Variants in PACRG observed in about 807,000 individuals in gnomAD.
The protein encoded by PACRG is parkin coregulated gene protein.
Under a neutral mutation model 29.7 loss-of-function variants are expected in PACRG, and 29 were observed. The observed-to-expected ratio is 0.98, with a 90% CI of 0.73 to 1.33. The LOEUF (loss-of-function observed/expected upper bound fraction) is 1.33. Among genes scored for constraint, PACRG ranks in the 40% most tolerant of loss-of-function variants. The probability of loss-of-function intolerance (pLI) is 0.00; values close to 1 mark genes in which losing one functional copy is unlikely to be tolerated. For synonymous variants in PACRG, 116 were observed against 118.7 expected (o/e 0.98, Z 0.15); for missense variants, 279 against 316.2 (o/e 0.88, Z 0.89).
intron 2 of PACRG, among the ~76,000 whole-genome samples, chr6:162,833,174 C>A (rs889256311): frequency 2.6e-5 from 4 of 152,054 alleles, no homozygotes; most frequent in Non-Finnish European, 5.9e-5. Flanking sequence ...ATTATTACAG[C>A]CTTCCTATTA....
intron 2 of PACRG, among the ~76,000 whole-genome samples, chr6:162,845,891 T>C (rs1414015976): frequency 6.6e-6 from 1 of 152,224 alleles, no homozygotes; most frequent in African/African-American, 2.4e-5. Flanking sequence ...TATCACCTTA[T>C]GATCATTTCC....
chr6:163,075,136 T>TA (rs1812429411), intron 3 of PACRG, among the ~76,000 whole-genome samples: 3 of 152,140 alleles, frequency 2.0e-5, no homozygotes. Flanking sequence ...TCCCTAAAAC[T>TA]TTGAATTGTT....
chr6:163,221,946 T>A (rs1781596473), intron 4 of PACRG, among the ~76,000 whole-genome samples: 1 of 152,164 alleles, frequency 6.6e-6, no homozygotes, highest in African/African-American at 2.4e-5. Context: ...ATCTATAAAA[T>A]CTGCTAGAAG....
Position 163,055,662 on chromosome 6 carries a change from AT to A in PACRG, c.292-6482del, listed in dbSNP as rs893552422. Among the ~76,000 whole-genome samples the A allele has an allele frequency of 4.6e-5, 7 of 151,984 alleles. No individual in the cohort carries two copies. Among genetic ancestry groups the A allele is most frequent in the South Asian group, 2.1e-4 (1 of 4,822 alleles). ...GTTGTTATTTGTTTTTTATTGTTTT[AT>A]TTTTTCTTTGGCATTTTTATCATTG... On this transcript the variant is annotated intron_variant, in intron 2 of 4. Transcript: ENST00000366888. The surrounding 1 kb of genome is among the most constrained non-coding windows in gnomAD (Gnocchi z 4.0).
intron 4 of PACRG, among the ~76,000 whole-genome samples, chr6:163,290,272 GCGCGCGCACACACACACA>G (rs1469448275): frequency 5.5e-4 from 55 of 100,656 alleles, no homozygotes; most frequent in African/African-American, 2.1e-3. Context: ...ATGCACGCGC[GCGCGCGCACACACACACA>G]CACACACACA....
intron 1 of PACRG, among the ~76,000 whole-genome samples, chr6:162,769,561 A>G (rs1278887923): frequency 6.6e-6 from 1 of 151,996 alleles, no homozygotes; most frequent in African/African-American, 2.4e-5. Context: ...TTCTACTCCA[A>G]AGTATATGCC....
At chr6:163,167,989 A>AT (rs1778894180) in intron 4 of PACRG, among the ~76,000 whole-genome samples, 1 of 152,116 alleles carries the variant, frequency 6.6e-6, no homozygotes, top group Admixed American at 6.6e-5. Context: ...TGAACATAGT[A>AT]TTTTTTGCTG....
At chr6:163,135,448 A>AGG (rs1173528732) in intron 4 of PACRG, among the ~76,000 whole-genome samples, 5 of 152,214 alleles carry the variant, frequency 3.3e-5, no homozygotes, top group Admixed American at 1.3e-4. Flanking sequence ...TGGTGTCCCA[A>AGG]AGTGCTGGGA....
intron 3 of PACRG, among the ~76,000 whole-genome samples, chr6:163,077,545 T>C (rs1315859033): frequency 2.6e-5 from 4 of 152,098 alleles, no homozygotes; most frequent in African/African-American, 9.7e-5. Context: ...AATACAAAAA[T>C]TACTTTGGGA....
chr6:162,810,856 C>T (rs1349354590), intron 1 of PACRG, among the ~76,000 whole-genome samples: 1 of 152,084 alleles, frequency 6.6e-6, no homozygotes, highest in Admixed American at 6.5e-5. Flanking sequence ...GAAAAAGAAG[C>T]CAGGCCAAAG....
chr6:163,129,627 A>T (rs1412554972), intron 4 of PACRG, among the ~76,000 whole-genome samples: 1 of 152,194 alleles, frequency 6.6e-6, no homozygotes, highest in Non-Finnish European at 1.5e-5. Flanking sequence ...GTAAGCAAAC[A>T]CTGTCCTCCT....
intron 4 of PACRG, among the ~76,000 whole-genome samples, chr6:163,275,603 T>G (rs1257201035): frequency 6.6e-6 from 1 of 152,224 alleles, no homozygotes; most frequent in Non-Finnish European, 1.5e-5. Context: ...GTATAGATAT[T>G]TCTCCACTGT....
At position 162,777,622 on chromosome 6, in the gene PACRG, TC is replaced by T. The variant is rs1405308675; in HGVS notation, c.157-36523del. 6.6e-6 allele frequency among the ~76,000 whole-genome samples: 1 copy of T among 152,154 alleles called. No individual in the cohort carries two copies. Among genetic ancestry groups the T allele is most frequent in the Admixed American group, 6.5e-5 (1 of 15,274 alleles). Reference sequence around the variant, plus strand: ...TCTAGGTAAAATTGCCAAAGTAGACTCCTTTGAGTTTTGGGATTTTTTTAAT... The same window carrying T: ...TCTAGGTAAAATTGCCAAAGTAGACTCTTTGAGTTTTGGGATTTTTTTAAT... On this transcript the variant is annotated intron_variant, in intron 1 of 4. Transcript: ENST00000366888. This position sits in a 1 kb window ranked among gnomAD's most constrained non-coding sequence, Gnocchi z 4.0.
At chr6:163,188,182 G>A (rs929829666) in intron 4 of PACRG, among the ~76,000 whole-genome samples, 1 of 152,160 alleles carries the variant, frequency 6.6e-6, no homozygotes, top group Non-Finnish European at 1.5e-5. Flanking sequence ...ACATCGGGGA[G>A]GCAGGAGCCC....
chr6:162,831,019 C>A (rs749846294), intron 2 of PACRG, among the ~76,000 whole-genome samples: 5 of 152,156 alleles, frequency 3.3e-5, no homozygotes, highest in Non-Finnish European at 1.5e-5. Context: ...TCCTATTCTG[C>A]CTGCTATTAA....
chr6:163,156,924 A>G (rs1778346479), intron 4 of PACRG, among the ~76,000 whole-genome samples: 1 of 152,192 alleles, frequency 6.6e-6, no homozygotes, highest in East Asian at 1.9e-4. Flanking sequence ...TACTTGATCC[A>G]CCCAGATTAT....
At chr6:163,294,924 T>C (rs755821781) in intron 4 of PACRG, among the ~76,000 whole-genome samples, 1 of 152,246 alleles carries the variant, frequency 6.6e-6, no homozygotes, top group East Asian at 1.9e-4. Flanking sequence ...ATATGGTGGT[T>C]TCCCTTTGAT....
At chr6:162,944,047 C>T (rs1338095592) in intron 2 of PACRG, among the ~76,000 whole-genome samples, 2 of 152,136 alleles carry the variant, frequency 1.3e-5, no homozygotes, top group Admixed American at 6.5e-5. Flanking sequence ...GCGCTAGTAC[C>T]AGCATAGCCT....
intron 1 of PACRG, among the ~76,000 whole-genome samples, chr6:162,742,850 A>ATTCAAAGAATATCTTCTTTGAATACAGG (rs1254539791): frequency 1.3e-5 from 2 of 152,268 alleles, no homozygotes; most frequent in African/African-American, 4.8e-5. Context: ...GAAAGAAGAT[A>ATTCAAAGAATATCTTCTTTGAATACAGG]TTCAAAGAAT....
Sources: gnomAD v4.1 joint callset for allele counts (sites outside exome capture counted in the v4.1 genomes callset) on GRCh38, gnomAD v4.1.1 for gene constraint, Gnocchi (gnomAD v3.1) non-coding constraint, MANE v1.5 for transcripts, NCBI Gene and HGNC (gene_info 2026-07-23, HGNC 2026-07-21) for gene names.